GRB2: variants seen among roughly 807,000 people sequenced by gnomAD.
GRB2 encodes the protein growth factor receptor-bound protein 2.
A neutral mutation model predicts 27.4 loss-of-function variants in GRB2; 2 were observed. The ratio of observed to expected loss-of-function variants is 0.07; its 90% CI spans 0.03 to 0.23. The LOEUF (loss-of-function observed/expected upper bound fraction) is 0.23. GRB2 is among the 10% of genes least tolerant of loss of function. GRB2 has a pLI of 1.00. For missense variants in GRB2, 102 were observed against 282.4 expected (o/e 0.36, Z 4.58); for synonymous variants, 94 against 99.6 (o/e 0.94, Z 0.33).
intron 2 of GRB2, among the ~76,000 whole-genome samples, chr17:75,343,451 T>G (rs1387093231): frequency 6.6e-6 from 1 of 152,334 alleles, no homozygotes; most frequent in African/African-American, 2.4e-5. Context: ...TGTTCATACA[T>G]GTTAGAAGAT....
chr17:75,326,699 T>C (rs2078500747), intron 3 of GRB2, among the ~76,000 whole-genome samples: 1 of 152,222 alleles, frequency 6.6e-6, no homozygotes, highest in Non-Finnish European at 1.5e-5. Flanking sequence ...TTGAGGCAAG[T>C]TGCAGACTCT....
chr17:75,352,510 G>C (rs995910532), intron 2 of GRB2, among the ~76,000 whole-genome samples: 1 of 152,108 alleles, frequency 6.6e-6, no homozygotes, highest in African/African-American at 2.4e-5. Context: ...CATGATTCTG[G>C]GTCAGGCCCC....
At chr17:75,326,069 CG>C in intron 3 of GRB2, 49 bp from the exon 4 acceptor site, 1 of 1,610,690 alleles carries the variant, frequency 6.2e-7, no homozygotes, top group South Asian at 1.1e-5. Flanking sequence ...CACAAAGAAA[CG>C]GGATATCCAG....
intron 2 of GRB2, among the ~76,000 whole-genome samples, chr17:75,356,257 C>T (rs1452695818): frequency 6.6e-6 from 1 of 152,008 alleles, no homozygotes; most frequent in Non-Finnish European, 1.5e-5. Context: ...TGGTTCATGC[C>T]TGTAATTCCA....
rs145800778 is a variant in GRB2 at position 75,349,861 on chromosome 17, T to C, written c.79-17064A>G. ...ATCTGATGGCCACCCACTGCCTCAC[T>C]TTGGATGATCATATTGGCAAAGATG... On this transcript the variant is annotated intron_variant, in intron 2 of 5. Transcript: ENST00000316804. 2.2e-3 allele frequency among the ~76,000 whole-genome samples: 342 copies of C among 152,136 alleles called. 1 individual carries two copies. The highest frequency in any genetic ancestry group is 7.6e-3 in the African/African-American group (316 of 41,482).
chr17:75,383,697 C>T (rs2078944516), intron 2 of GRB2, among the ~76,000 whole-genome samples: 1 of 152,030 alleles, frequency 6.6e-6, no homozygotes, highest in Non-Finnish European at 1.5e-5. Context: ...CAAAAATTAG[C>T]TGGGTGTGGT....
chr17:75,332,513 CATATA>C, intron 3 of GRB2, among the ~76,000 whole-genome samples, 182 bp downstream of exon 3: 1 of 152,252 alleles, frequency 6.6e-6, no homozygotes, highest in Middle Eastern at 3.4e-3. Context: ...CAATCTAAAA[CATATA>C]ATATTATTGA....
chr17:75,325,881 C>G lies in GRB2; in HGVS notation c.299+17G>C. 11 of 1,612,868 alleles carry G rather than the reference C, an allele frequency of 6.8e-6. No individual in the cohort carries two copies. Among genetic ancestry groups the G allele is most frequent in the Non-Finnish European group, 9.3e-6 (11 of 1,179,736 alleles). On this transcript the variant is annotated intron_variant, in intron 4 of 5. Transcript: ENST00000316804. ...TCAGAGACAGGATTCCAGGCAACTG[C>G]AGCAGGAAATACTTACTTGACAGAG...
intron 2 of GRB2, among the ~76,000 whole-genome samples, chr17:75,340,115 T>A (rs969822769): frequency 9.8e-5 from 15 of 152,322 alleles, no homozygotes; most frequent in African/African-American, 3.4e-4. Context: ...GCTGTACAGT[T>A]ATGGTCCCAT....
intron 2 of GRB2, among the ~76,000 whole-genome samples, chr17:75,338,000 G>A (rs910022868): frequency 4.0e-5 from 6 of 149,840 alleles, no homozygotes; most frequent in East Asian, 3.9e-4. Flanking sequence ...GCACAATCTC[G>A]GCTCACTGCA....
intron 5 of GRB2, among the ~76,000 whole-genome samples, chr17:75,321,317 C>T (rs988329277): frequency 1.5e-4 from 23 of 151,870 alleles, no homozygotes; most frequent in Non-Finnish European, 3.1e-4. Context: ...GCTGGGACTG[C>T]AGGTGTGCGC....
intron 2 of GRB2, among the ~76,000 whole-genome samples, chr17:75,345,480 TCACAGAA>T (rs1173055472): frequency 6.6e-6 from 1 of 152,188 alleles, no homozygotes; most frequent in Non-Finnish European, 1.5e-5. Context: ...GCAATGTTGG[TCACAGAA>T]CTATTCACCA....
intron 2 of GRB2, among the ~76,000 whole-genome samples, chr17:75,335,111 GTTAT>G (rs1265969656): frequency 6.6e-6 from 1 of 152,018 alleles, no homozygotes; most frequent in Non-Finnish European, 1.5e-5. Context: ...GCCAAAATAT[GTTAT>G]TTATATGTTG....
intron 2 of GRB2, among the ~76,000 whole-genome samples, chr17:75,350,567 C>T (rs2078684587): frequency 6.6e-6 from 1 of 152,222 alleles, no homozygotes; most frequent in South Asian, 2.1e-4. Flanking sequence ...TCTCGGCTCA[C>T]TGCAAGCTCC....
intron 2 of GRB2, among the ~76,000 whole-genome samples, chr17:75,380,917 G>A (rs904608875): frequency 1.3e-5 from 2 of 152,196 alleles, no homozygotes; most frequent in Non-Finnish European, 2.9e-5. Context: ...GGAGACTAGA[G>A]AATGAAGCAA....
chr17:75,365,950 T>C (rs2078816389), intron 2 of GRB2, among the ~76,000 whole-genome samples: 1 of 152,182 alleles, frequency 6.6e-6, no homozygotes, highest in Non-Finnish European at 1.5e-5. Flanking sequence ...CTCTTTCCTC[T>C]CTTTCATAGT....
intron 2 of GRB2, among the ~76,000 whole-genome samples, chr17:75,391,114 G>A (rs930766728): frequency 6.6e-6 from 1 of 152,070 alleles, no homozygotes; most frequent in East Asian, 1.9e-4. Flanking sequence ...ATGAGACAAA[G>A]GGCAACTACT....
chr17:75,350,983 C>T (rs571650713), intron 2 of GRB2, among the ~76,000 whole-genome samples: 1 of 152,214 alleles, frequency 6.6e-6, no homozygotes, highest in South Asian at 2.1e-4. Context: ...CTGAGCCCGA[C>T]TGTGCAGGGC....
At chr17:75,343,184 A>G (rs781425660) in intron 2 of GRB2, among the ~76,000 whole-genome samples, 3 of 152,002 alleles carry the variant, frequency 2.0e-5, no homozygotes, top group Non-Finnish European at 2.9e-5. Context: ...CACATGTCCT[A>G]TTAATCCCTC....
Sources: gnomAD v4.1 joint callset for allele counts (sites outside exome capture counted in the v4.1 genomes callset) on GRCh38, gnomAD v4.1.1 for gene constraint, MANE v1.5 for transcripts, NCBI Gene and HGNC (gene_info 2026-07-23, HGNC 2026-07-21) for gene names.